The following MYO18B variants were observed in gnomAD, a reference collection of about 807,000 sequenced individuals.
MYO18B encodes the protein myosin XVIIIB.
A neutral mutation model predicts 273.0 loss-of-function variants in MYO18B; 204 were observed. The observed-to-expected ratio is 0.75, with a 90% CI of 0.67 to 0.84. MYO18B has a LOEUF of 0.84. Among genes scored for constraint, MYO18B ranks in the 40% least tolerant of loss-of-function variants. MYO18B has a pLI of 0.00. For synonymous variants in MYO18B, 1,330 were observed against 1,305.7 expected, an observed-to-expected ratio of 1.02 and a Z score of -0.40; for missense variants, 3,212 against 3,287.6, an observed-to-expected ratio of 0.98 and a Z score of 0.56.
chr22:25,874,840 A>C (rs1412598994), intron 23 of MYO18B, among the ~76,000 whole-genome samples: 1 of 152,210 alleles, frequency 6.6e-6, no homozygotes, highest in African/African-American at 2.4e-5. Flanking sequence ...GTAGCTGCAC[A>C]ATAGAGAGAA....
Position 25,877,968 on chromosome 22 carries a change from A to G in MYO18B, c.4234A>G (p.Thr1412Ala). 1.3e-6 allele frequency: 2 copies of G among 1,574,160 alleles called. No homozygotes were observed. Among genetic ancestry groups the G allele is most frequent in the East Asian group, 2.3e-5 (1 of 42,902 alleles). Residue 1412 changes from threonine (T) to alanine (A), a missense_variant, in exon 25 of 44, where the codon ACA (threonine) becomes GCA (alanine). Physicochemically the swap from Thr to Ala is moderately conservative, Grantham distance 58. Coordinates refer to ENST00000335473, the MANE Select transcript of MYO18B (RefSeq NM_032608.7). ...EQLRAKEEEL[T>A]TLRRKLEKSE... ...GTGTTTGTTTTTGTAGGAGGAGCTTACAACGCTAAGACGGAAGCTAGAAAA... is the reference window on the plus strand; with the variant it reads ...GTGTTTGTTTTTGTAGGAGGAGCTTGCAACGCTAAGACGGAAGCTAGAAAA...
At chr22:25,746,719 A>G (rs1436754487) in intron 1 of MYO18B, among the ~76,000 whole-genome samples, 1 of 152,178 alleles carries the variant, frequency 6.6e-6, no homozygotes, top group African/African-American at 2.4e-5. Flanking sequence ...GAGACGCTAA[A>G]TTTTTGATTT....
rs747246174 is a variant in MYO18B, at chr22:25,768,872, G to A, written c.956G>A (p.Gly319Glu). ...CCCCAAATCCCTGGGAGAAAGTGGG[G>A]AGGTTTCCTGGGAAGAAGGAGTAAG... ...VRPQIPGRKW[G>E]GFLGRRSKWD... The change falls in exon 4 of 44, where the codon GGA becomes GAA. Residue 319 changes from glycine to glutamate, a missense_variant. Physicochemically the swap from Gly to Glu is moderately conservative, Grantham distance 98. Coordinates refer to ENST00000335473, the MANE Select transcript of MYO18B (RefSeq NM_032608.7). The A allele has an allele frequency of 2.5e-6, 4 of 1,613,154 alleles. No homozygotes were observed. Among genetic ancestry groups the A allele is most frequent in the Non-Finnish European group, 3.4e-6 (4 of 1,179,556 alleles).
chr22:26,025,469 C>A (rs1273981560), intron 42 of MYO18B, among the ~76,000 whole-genome samples: 1 of 152,218 alleles, frequency 6.6e-6, no homozygotes, highest in Non-Finnish European at 1.5e-5. Context: ...AGCAACAAAG[C>A]ACTCAGAGGC....
At chr22:26,045,461 G>T in the MYO18B span, among the ~76,000 whole-genome samples, 1 of 152,316 alleles carries the variant, frequency 6.6e-6, no homozygotes, top group East Asian at 1.9e-4. Context: ...TGAGGGAAGA[G>T]AAACAGGATT....
At chr22:25,907,564 G>T (rs1320937179) in intron 31 of MYO18B, among the ~76,000 whole-genome samples, 1 of 152,204 alleles carries the variant, frequency 6.6e-6, no homozygotes, top group Non-Finnish European at 1.5e-5. Flanking sequence ...AGAGAAAGGG[G>T]ACTGACCTAG....
rs1424840476 is a variant in MYO18B at position 25,817,473 on chromosome 22, C to T, written c.2522-6032C>T. ...TCCCCTTCCCTTCCCCTTCCCTTTC[C>T]TCTTTCTTCTTTTTCTCTCATTTCT... is the stretch of plus-strand genomic sequence containing the variant. On this transcript the variant is annotated intron_variant, in intron 12 of 43. Transcript: ENST00000335473. 7.6e-5 allele frequency among the ~76,000 whole-genome samples: 11 copies of T among 145,520 alleles called. No homozygotes were observed. The Admixed American group carries it at 7.8e-4, about 10-fold the overall frequency.
chr22:25,869,124 T>C (rs1362199825), intron 22 of MYO18B, among the ~76,000 whole-genome samples: 1 of 150,608 alleles, frequency 6.6e-6, no homozygotes, highest in Non-Finnish European at 1.5e-5. Flanking sequence ...GACCAAGGAG[T>C]GGGGGCAGGG....
intron 39 of MYO18B, among the ~76,000 whole-genome samples, chr22:25,988,769 A>G (rs990916683): frequency 6.6e-5 from 10 of 152,102 alleles, no homozygotes; most frequent in African/African-American, 2.2e-4. Flanking sequence ...CACTCTGCCA[A>G]GCTCATTTAC....
chr22:25,927,396 G>T (rs1015084862), intron 34 of MYO18B, among the ~76,000 whole-genome samples: 1 of 152,136 alleles, frequency 6.6e-6, no homozygotes, highest in Non-Finnish European at 1.5e-5. Context: ...CGAGACTGCA[G>T]GGGTGAAAGA....
intron 37 of MYO18B, among the ~76,000 whole-genome samples, chr22:25,951,595 C>A (rs2092793572): frequency 6.6e-6 from 1 of 152,182 alleles, no homozygotes; most frequent in Non-Finnish European, 1.5e-5. Flanking sequence ...AAGTCATGGT[C>A]CCTCCAAACA....
intron 25 of MYO18B, among the ~76,000 whole-genome samples, chr22:25,890,288 G>A (rs1441925553): frequency 6.6e-6 from 1 of 152,200 alleles, no homozygotes; most frequent in Non-Finnish European, 1.5e-5. Flanking sequence ...GTGGTCTGGT[G>A]GAGAGCATTC....
intron 31 of MYO18B, 80 bp from the exon 32 acceptor site, chr22:25,908,242 T>C (rs1212585117): frequency 5.5e-5 from 62 of 1,125,324 alleles, no homozygotes; most frequent in Non-Finnish European, 6.6e-5. Flanking sequence ...AGAAATGCAA[T>C]TGGAATGCCA....
intron 31 of MYO18B, among the ~76,000 whole-genome samples, chr22:25,905,733 TCA>T (rs914893889): frequency 7.2e-5 from 11 of 152,196 alleles, no homozygotes; most frequent in African/African-American, 2.7e-4. Flanking sequence ...TCTCCAGACA[TCA>T]GTCTCCTTAT....
At chr22:25,882,179 G>A (rs1256751517) in intron 25 of MYO18B, among the ~76,000 whole-genome samples, 1 of 103,844 alleles carries the variant, frequency 9.6e-6, no homozygotes, top group Non-Finnish European at 1.8e-5. Flanking sequence ...GTCCCAGCTA[G>A]ACTGAAATCC....
intron 40 of MYO18B, among the ~76,000 whole-genome samples, chr22:26,002,666 G>A (rs1356392237): frequency 6.6e-6 from 1 of 152,194 alleles, no homozygotes. Context: ...AGGAGCATGA[G>A]CTTAACAGGC....
intron 1 of MYO18B, among the ~76,000 whole-genome samples, chr22:25,754,723 T>C (rs755344434): frequency 2.0e-5 from 3 of 152,168 alleles, no homozygotes; most frequent in Non-Finnish European, 4.4e-5. Flanking sequence ...AATTAAGTCT[T>C]GACAAAACCT....
At chr22:25,847,319 A>C in intron 19 of MYO18B, 111 bp from the exon 20 acceptor site, 1 of 852,636 alleles carries the variant, frequency 1.2e-6, no homozygotes, top group African/African-American at 1.7e-5. Flanking sequence ...TGTGGGACAT[A>C]GGGGCCCCAA....
intron 39 of MYO18B, among the ~76,000 whole-genome samples, chr22:25,987,524 T>C (rs143784311): frequency 1.8e-4 from 27 of 152,308 alleles, no homozygotes; most frequent in Middle Eastern, 3.4e-3. Context: ...TGCATTAGAA[T>C]GTATAATTTA....
Sources: gnomAD v4.1 joint callset for allele counts (sites outside exome capture counted in the v4.1 genomes callset) on GRCh38, gnomAD v4.1.1 for gene constraint, MANE v1.5 for transcripts, NCBI Gene and HGNC (gene_info 2026-07-23, HGNC 2026-07-21) for gene names.